TMCC1: variants seen among roughly 807,000 people sequenced by gnomAD.
The protein encoded by TMCC1 is transmembrane and coiled-coil domains protein 1.
TMCC1 carries 15 observed loss-of-function variants against 52.4 expected under a neutral mutation model. The observed-to-expected ratio is 0.29, with a 90% confidence interval of 0.19 to 0.44. The LOEUF (loss-of-function observed/expected upper bound fraction) is 0.44. Among genes scored for constraint, TMCC1 ranks in the 20% least tolerant of loss-of-function variants. The probability of loss-of-function intolerance (pLI) is 1.00; values close to 1 mark genes in which losing one functional copy is unlikely to be tolerated. For missense variants in TMCC1, 503 were observed against 806.0 expected (o/e 0.62, Z 4.55); for synonymous variants, 279 against 301.9 (o/e 0.92, Z 0.79).
intron 4 of TMCC1, among the ~76,000 whole-genome samples, chr3:129,750,228 T>C (rs2052371041): frequency 6.6e-6 from 1 of 152,194 alleles, no homozygotes; most frequent in Non-Finnish European, 1.5e-5. Flanking sequence ...TTTGCTCTTG[T>C]TGCCCAGGCT....
At chr3:129,836,385 C>A (rs189614596) in intron 2 of TMCC1, among the ~76,000 whole-genome samples, 19 of 152,092 alleles carry the variant, frequency 1.2e-4, no homozygotes, top group Non-Finnish European at 2.9e-5. Flanking sequence ...GACACAGCAT[C>A]CAATAATTGC....
chr3:129,827,324 G>T (rs545606085), intron 4 of TMCC1, among the ~76,000 whole-genome samples: 2 of 152,276 alleles, frequency 1.3e-5, no homozygotes, highest in Admixed American at 1.3e-4. Context: ...ACTGTGGCAT[G>T]CAAAATGTAA....
intron 2 of TMCC1, among the ~76,000 whole-genome samples, chr3:129,834,855 C>T (rs1282208807): frequency 6.6e-6 from 1 of 152,150 alleles, no homozygotes; most frequent in Non-Finnish European, 1.5e-5. Context: ...ATTACGAGTA[C>T]AATCATCCAA....
chr3:129,783,071 C>T (rs1291193279), intron 4 of TMCC1, among the ~76,000 whole-genome samples: 1 of 152,118 alleles, frequency 6.6e-6, no homozygotes, highest in Admixed American at 6.6e-5. Context: ...CAAAGCCAAA[C>T]AGATATATGT....
intron 4 of TMCC1, among the ~76,000 whole-genome samples, chr3:129,770,041 C>A (rs2054429274): frequency 6.6e-6 from 1 of 152,100 alleles, no homozygotes; most frequent in Non-Finnish European, 1.5e-5. Context: ...AATGGCCTAC[C>A]TTGCATTTCT....
At chr3:129,829,102 A>C (rs958210152) in intron 3 of TMCC1, among the ~76,000 whole-genome samples, 4 of 152,268 alleles carry the variant, frequency 2.6e-5, no homozygotes, top group Non-Finnish European at 5.9e-5. Context: ...GAGAATGGAA[A>C]TAAAAATCCT....
intron 4 of TMCC1, among the ~76,000 whole-genome samples, chr3:129,766,616 GTTTTGTTT>G (rs555420181): frequency 2.0e-5 from 3 of 151,958 alleles, no homozygotes; most frequent in Non-Finnish European, 1.5e-5. Flanking sequence ...TATGGGTTTT[GTTTTGTTT>G]TTTTGTTTTT....
intron 4 of TMCC1, among the ~76,000 whole-genome samples, chr3:129,810,351 A>G (rs919235260): frequency 6.6e-6 from 1 of 151,906 alleles, no homozygotes; most frequent in Non-Finnish European, 1.5e-5. Context: ...CTGTCTCCCA[A>G]AAAAAACAAA....
chr3:129,826,338 CAAAAAAA>C (rs63640963), intron 4 of TMCC1, among the ~76,000 whole-genome samples: 1 of 89,026 alleles, frequency 1.1e-5, no homozygotes, highest in Non-Finnish European at 2.5e-5. Context: ...CTCCTCTCTA[CAAAAAAA>C]AAAAAAAAAA....
intron 6 of TMCC1, among the ~76,000 whole-genome samples, chr3:129,653,157 G>A (rs180685503): frequency 9.4e-4 from 143 of 151,960 alleles, no homozygotes; most frequent in African/African-American, 3.2e-3. Context: ...ACTGCTGCCT[G>A]GCATTTTATA....
chr3:129,649,040 C>T lies in TMCC1; in HGVS notation c.*2441G>A, dbSNP rs1404055315. 6.6e-6 allele frequency: 1 copy of T among 152,182 alleles called. No individual in the cohort carries two copies. The highest frequency in any genetic ancestry group is 1.9e-4 in the East Asian group (1 of 5,200). 9.4% of individuals were successfully genotyped at this position (152,182 alleles called of 1,614,324 possible). On this transcript the variant is annotated 3_prime_UTR_variant, in exon 7 of 7. Coordinates refer to ENST00000393238, the MANE Select transcript of TMCC1 (RefSeq NM_001017395.5). The stretch of plus-strand genomic sequence containing the variant: ...GGACTATTTGGCTGGAGGCAGGGGG[C>T]TTTCTACAGGTGAAAACCTTCCTTT...
intron 4 of TMCC1, among the ~76,000 whole-genome samples, chr3:129,819,348 G>A (rs567149936): frequency 1.3e-5 from 2 of 152,266 alleles, no homozygotes; most frequent in South Asian, 2.1e-4. Context: ...CTCCCAAAGT[G>A]CTGGGATTAC....
At chr3:129,743,872 G>GT (rs1322605166) in intron 4 of TMCC1, among the ~76,000 whole-genome samples, 1 of 149,722 alleles carries the variant, frequency 6.7e-6, no homozygotes, top group Non-Finnish European at 1.5e-5. Flanking sequence ...TAACTTCACT[G>GT]TTTTTTAAAA....
intron 2 of TMCC1, among the ~76,000 whole-genome samples, chr3:129,844,699 C>G (rs1346930054): frequency 6.6e-6 from 1 of 152,150 alleles, no homozygotes; most frequent in Non-Finnish European, 1.5e-5. Flanking sequence ...AATCCAAAAT[C>G]TGGTCTAGGC....
chr3:129,785,936 T>A (rs1168758330), intron 4 of TMCC1, among the ~76,000 whole-genome samples: 1 of 135,358 alleles, frequency 7.4e-6, no homozygotes, highest in African/African-American at 3.0e-5. Context: ...TCACCCCCTT[T>A]TTTTTTTTTT....
chr3:129,879,815 A>C (rs1024888314), intron 2 of TMCC1, among the ~76,000 whole-genome samples: 1 of 152,182 alleles, frequency 6.6e-6, no homozygotes. Context: ...TAAACCATCC[A>C]GTGTCTATGC....
At chr3:129,661,862 A>C (rs1026561097) in intron 5 of TMCC1, among the ~76,000 whole-genome samples, 2 of 152,144 alleles carry the variant, frequency 1.3e-5, no homozygotes, top group East Asian at 3.9e-4. Flanking sequence ...AGGAAAAAAA[A>C]ACCTGTATTC....
intron 4 of TMCC1, among the ~76,000 whole-genome samples, chr3:129,761,221 G>C (rs965111748): frequency 1.3e-5 from 2 of 151,834 alleles, no homozygotes; most frequent in Admixed American, 6.6e-5. Context: ...CCAGCTACTC[G>C]GGAGGGTGAG....
chr3:129,775,445 T>C (rs1213499190), intron 4 of TMCC1, among the ~76,000 whole-genome samples: 2 of 151,996 alleles, frequency 1.3e-5, no homozygotes, highest in Non-Finnish European at 2.9e-5. Context: ...CCAACCTGGG[T>C]GACAGGGCAA....
Sources: allele counts gnomAD v4.1 joint callset (sites outside exome capture counted in the v4.1 genomes callset), GRCh38; gene constraint gnomAD v4.1.1; transcripts MANE v1.5; gene names NCBI Gene and HGNC (gene_info 2026-07-23, HGNC 2026-07-21).